Variants in MID2 observed in about 807,000 individuals in gnomAD.
MID2 encodes the protein probable E3 ubiquitin-protein ligase MID2.
In MID2, 13 loss-of-function variants were observed where a neutral mutation model predicts 46.1. That is an observed-to-expected ratio of 0.28 (90% confidence interval 0.18 to 0.45). MID2 has a LOEUF of 0.45. Among genes scored for constraint, MID2 ranks in the 20% least tolerant of loss-of-function variants. The pLI is 1.00. For missense variants in MID2, 431 were observed against 575.4 expected, an observed-to-expected ratio of 0.75 and a Z score of 2.57; for synonymous variants, 199 against 212.3, an observed-to-expected ratio of 0.94 and a Z score of 0.55.
rs1933263811 is a variant in MID2 at position 107,930,499 on chromosome X, T to TA, written c.*3432dup. Reference sequence around the variant, plus strand: ...AAAATCACTCAAAGCTAAGCCTACTTAAAAAAGTGGGGAATTAAACTGGGT... The same window carrying TA: ...AAAATCACTCAAAGCTAAGCCTACTTAAAAAAAGTGGGGAATTAAACTGGGT... On this transcript the variant is annotated 3_prime_UTR_variant, in exon 10 of 10. Transcript: ENST00000262843. 3.6e-5 allele frequency among the ~76,000 whole-genome samples: 4 copies of TA among 111,975 alleles called. No individual in the cohort carries two copies. Among genetic ancestry groups the TA allele is most frequent in the African/African-American group, 1.3e-4 (4 of 30,892 alleles).
intron 2 of MID2, among the ~76,000 whole-genome samples, chrX:107,842,525 G>A (rs1931370525): frequency 8.9e-6 from 1 of 112,237 alleles, no homozygotes; most frequent in Non-Finnish European, 1.9e-5. Flanking sequence ...CTCCTGCCAT[G>A]CAGTGGATGA....
chrX:107,882,862 A>G (rs1932355047), intron 3 of MID2, among the ~76,000 whole-genome samples: 1 of 111,778 alleles, frequency 8.9e-6, no homozygotes, highest in African/African-American at 3.3e-5. Flanking sequence ...AGCAATCCCA[A>G]AGTATTATAA....
chrX:107,914,514 A>G (rs766684499), intron 5 of MID2, among the ~76,000 whole-genome samples: 49 of 111,995 alleles, frequency 4.4e-4, no homozygotes, highest in Admixed American at 3.5e-3. Flanking sequence ...GTACATGAGG[A>G]TATGTATTTT....
rs887985458 is a variant in MID2 at position 107,854,659 on chromosome X, A to G, written c.771A>G (p.Leu257=). ...ACCTGGTTAAGCGCAACAGCGAACT[A>G]GAAAATCAAATGGCCAAACTAATAC... ...LTNLVKRNSE[L]ENQMAKLIQI... is the part of the protein sequence containing the mutation. Residue 257 remains leucine, a synonymous_variant, in exon 3 of 10, where the codon CTA becomes CTG. Coordinates refer to ENST00000262843, the MANE Select transcript of MID2 (RefSeq NM_012216.4). 3 of 1,211,111 alleles carry G rather than the reference A, an allele frequency of 2.5e-6. No homozygotes were observed. Among genetic ancestry groups the G allele is most frequent in the Non-Finnish European group, 3.4e-6 (3 of 894,748 alleles).
At chrX:107,891,220 G>A (rs1932595108) in intron 3 of MID2, among the ~76,000 whole-genome samples, 1 of 108,675 alleles carries the variant, frequency 9.2e-6, no homozygotes, top group African/African-American at 3.3e-5. Flanking sequence ...GCTGGGAGCT[G>A]TAGACTGGAG....
intron 3 of MID2, among the ~76,000 whole-genome samples, chrX:107,863,165 A>T (rs1031153406): frequency 4.4e-5 from 5 of 112,466 alleles, no homozygotes; most frequent in Non-Finnish European, 9.4e-5. Flanking sequence ...AATGCATTCA[A>T]TCCTTTTTAA....
chrX:107,886,462 G>C (rs2147852172), intron 3 of MID2, among the ~76,000 whole-genome samples: 1 of 111,927 alleles, frequency 8.9e-6, no homozygotes, highest in South Asian at 3.7e-4. Context: ...TGAGGCCTCT[G>C]TTCTGTTCCA....
intron 3 of MID2, among the ~76,000 whole-genome samples, chrX:107,876,222 C>G (rs1465798351): frequency 2.7e-5 from 3 of 111,447 alleles, no homozygotes; most frequent in South Asian, 7.7e-4. Flanking sequence ...TCTCTCTCTC[C>G]TGGACCTCCC....
chrX:107,923,138 C>T (rs1933104060), intron 7 of MID2, among the ~76,000 whole-genome samples: 1 of 111,945 alleles, frequency 8.9e-6, no homozygotes, highest in Non-Finnish European at 1.9e-5. Flanking sequence ...GCCCTTTGAT[C>T]AGATCTCTTG....
chrX:107,829,228 T>C (rs1472180614), intron 1 of MID2, among the ~76,000 whole-genome samples: 1 of 112,024 alleles, frequency 8.9e-6, no homozygotes, highest in Non-Finnish European at 1.9e-5. Flanking sequence ...AGTTAGTGGA[T>C]TGACTGGGTG....
chrX:107,925,303 G>C (rs958721557), intron 8 of MID2, among the ~76,000 whole-genome samples: 4 of 111,805 alleles, frequency 3.6e-5, no homozygotes, highest in Admixed American at 2.9e-4. Context: ...GTGAGTAAGA[G>C]AGAAAAAGTT....
chrX:107,845,527 T>A (rs200027408), intron 2 of MID2, among the ~76,000 whole-genome samples: 4,728 of 79,255 alleles, frequency 0.06, 125 homozygotes, highest in Non-Finnish European at 0.078. Flanking sequence ...ACACACACAC[T>A]CTCTCTCTCT....
chrX:107,883,858 T>C (rs968465615), intron 3 of MID2, among the ~76,000 whole-genome samples: 5 of 112,310 alleles, frequency 4.5e-5, no homozygotes, highest in Non-Finnish European at 9.4e-5. Flanking sequence ...ATATTTGGAA[T>C]CTGGTGCTGA....
Position 107,865,975 on chromosome X carries a change from G to C in MID2, c.816+11271G>C, listed in dbSNP as rs769072630. Among the ~76,000 whole-genome samples, 7 of 112,778 alleles carry C rather than the reference G, an allele frequency of 6.2e-5. No individual in the cohort carries two copies. In the East Asian group the frequency reaches 1.4e-3, roughly 22 times the overall value. On this transcript the variant is annotated intron_variant, in intron 3 of 9. Transcript: ENST00000262843. ...AGGTACAGGGGAAAGCCCAGGACACGAGGAGGATTAGAGAAGAGGGTGAGT... is the reference window on the plus strand; with the variant it reads ...AGGTACAGGGGAAAGCCCAGGACACCAGGAGGATTAGAGAAGAGGGTGAGT...
chrX:107,867,792 C>T (rs1165851178), intron 3 of MID2, among the ~76,000 whole-genome samples: 1 of 111,503 alleles, frequency 9.0e-6, no homozygotes, highest in African/African-American at 3.3e-5. Context: ...TTCTGAGGAG[C>T]TGGTGATACC....
chrX:107,865,213 A>G (rs1473331223), intron 3 of MID2, among the ~76,000 whole-genome samples: 1 of 112,133 alleles, frequency 8.9e-6, no homozygotes, highest in Admixed American at 9.5e-5. Context: ...CAAGTCGCTG[A>G]TTATTGTGCT....
chrX:107,846,209 A>G (rs1263618433), intron 2 of MID2, among the ~76,000 whole-genome samples: 2 of 111,682 alleles, frequency 1.8e-5, no homozygotes, highest in Non-Finnish European at 3.8e-5. Context: ...AGCCAGATCA[A>G]ACATATGCAT....
At chrX:107,828,310 C>CTTTTTTTTT (rs766362742) in intron 1 of MID2, among the ~76,000 whole-genome samples, 23 of 82,987 alleles carry the variant, frequency 2.8e-4, no homozygotes, top group African/African-American at 7.6e-4. Context: ...TCTTTCTTTT[C>CTTTTTTTTT]TTTTTTTTTT....
chrX:107,925,459 CAA>C (rs1933156062), intron 8 of MID2, among the ~76,000 whole-genome samples: 1 of 112,091 alleles, frequency 8.9e-6, no homozygotes, highest in Non-Finnish European at 1.9e-5. Flanking sequence ...TGATCCTACA[CAA>C]TAAATGTTTT....
Sources: gnomAD v4.1 joint callset for allele counts (sites outside exome capture counted in the v4.1 genomes callset) on GRCh38, gnomAD v4.1.1 for gene constraint, MANE v1.5 for transcripts, NCBI Gene and HGNC (gene_info 2026-07-23, HGNC 2026-07-21) for gene names.